Variants in KAZN observed in about 807,000 individuals in gnomAD.
KAZN encodes the protein kazrin, periplakin interacting protein.
KAZN carries 40 observed loss-of-function variants against 87.4 expected under a neutral mutation model. The observed-to-expected ratio is 0.46, with a 90% CI of 0.36 to 0.60. The LOEUF (loss-of-function observed/expected upper bound fraction) is 0.60. Among genes scored for constraint, KAZN ranks in the 20% least tolerant of loss-of-function variants. The pLI is 0.00. For missense variants in KAZN, 898 were observed against 1,073.9 expected (o/e 0.84, Z 2.29); for synonymous variants, 466 against 458.3 (o/e 1.02, Z -0.22).
At chr1:14,507,305 T>A (rs1189481109) in intron 2 of KAZN, among the ~76,000 whole-genome samples, 1 of 152,150 alleles carries the variant, frequency 6.6e-6, no homozygotes, top group Non-Finnish European at 1.5e-5. Context: ...TAAACAAAAT[T>A]CTCATTTCAG....
At position 14,394,117 on chromosome 1, in the gene KAZN, A is replaced by AC. The variant is rs34489441; in HGVS notation, c.250-204859dup. ...GAAAAGAACCTTTTTTATGGTGAGG[A>AC]CCCCCCCACACACATGCCAGCAGTA... On this transcript the variant is annotated intron_variant, in intron 2 of 16. Transcript: ENST00000636203. Among the ~76,000 whole-genome samples the AC allele has an allele frequency of 7.1e-3, 1,084 of 151,996 alleles. 16 individuals carry two copies. Among genetic ancestry groups the AC allele is most frequent in the African/African-American group, 0.025 (1,025 of 41,444 alleles).
intron 1 of KAZN, among the ~76,000 whole-genome samples, chr1:14,803,473 G>A (rs1312954970): frequency 6.6e-6 from 1 of 152,218 alleles, no homozygotes; most frequent in South Asian, 2.1e-4. Context: ...TCCTCCTTCT[G>A]ACCCTGATGG....
intron 2 of KAZN, among the ~76,000 whole-genome samples, chr1:14,315,787 T>C (rs891093800): frequency 2.6e-5 from 4 of 152,112 alleles, no homozygotes; most frequent in African/African-American, 9.7e-5. Flanking sequence ...CATAATTTGT[T>C]TACTGTTCAC....
chr1:15,040,288 G>C (rs929368318), intron 3 of KAZN, among the ~76,000 whole-genome samples: 34 of 152,232 alleles, frequency 2.2e-4, no homozygotes, highest in South Asian at 1.4e-3. Context: ...GGAACCCTCA[G>C]GTTCCCTCGC....
intron 3 of KAZN, among the ~76,000 whole-genome samples, chr1:15,043,079 C>G (rs1027172704): frequency 6.6e-6 from 1 of 152,206 alleles, no homozygotes; most frequent in Non-Finnish European, 1.5e-5. Flanking sequence ...CAGAAAACAG[C>G]TCATGCAGGA....
chr1:14,004,754 A>C (rs991478422), intron 1 of KAZN, among the ~76,000 whole-genome samples: 80 of 23,926 alleles, frequency 3.3e-3, no homozygotes, highest in South Asian at 6.6e-3. Context: ...GTTGGAGCTT[A>C]CTTAATCTCC....
intron 2 of KAZN, among the ~76,000 whole-genome samples, chr1:14,233,810 C>A (rs1395403275): frequency 6.6e-6 from 1 of 152,164 alleles, no homozygotes; most frequent in Non-Finnish European, 1.5e-5. Context: ...AGACATAGTA[C>A]CTGACCTTAA....
intron 1 of KAZN, among the ~76,000 whole-genome samples, chr1:14,046,446 A>G (rs987372955): frequency 6.6e-6 from 1 of 152,234 alleles, no homozygotes; most frequent in Non-Finnish European, 1.5e-5. Flanking sequence ...AAATAAAAAC[A>G]TAAGAAGAAA....
chr1:14,100,106 C>T (rs1019417609), intron 1 of KAZN, among the ~76,000 whole-genome samples: 1 of 152,206 alleles, frequency 6.6e-6, no homozygotes, highest in African/African-American at 2.4e-5. Flanking sequence ...CCCCTGCCCT[C>T]CCACCAGTTG....
chr1:14,920,968 G>A (rs2690031), intron 1 of KAZN, among the ~76,000 whole-genome samples: 28,171 of 152,038 alleles, frequency 0.19, 2,747 homozygotes, highest in Middle Eastern at 0.24. Flanking sequence ...CCCCACCCAA[G>A]ACAGATGGGT....
In KAZN at chr1:15,004,911, G is replaced by A. The variant is rs117488707; in HGVS notation, c.419-29838G>A. Among the ~76,000 whole-genome samples the A allele has an allele frequency of 8.3e-4, 126 of 152,312 alleles. 1 individual carries two copies. The East Asian group carries it at 0.02, about 24-fold the overall frequency. ...GAATCTTGGCACTTCAAGCACACTC[G>A]TTGCTGGGCATGAACCAGGCACCTG... On this transcript the variant is annotated intron_variant, in intron 2 of 14. Coordinates refer to ENST00000376030, the MANE Select transcript of KAZN (RefSeq NM_201628.3).
At chr1:14,367,101 C>T (rs546097526) in intron 2 of KAZN, among the ~76,000 whole-genome samples, 57 of 152,134 alleles carry the variant, frequency 3.7e-4, no homozygotes, top group African/African-American at 1.3e-3. Flanking sequence ...TGGTGGCACG[C>T]GCCTGTAATC....
At chr1:15,029,335 G>A (rs1001668048) in intron 2 of KAZN, among the ~76,000 whole-genome samples, 1 of 152,214 alleles carries the variant, frequency 6.6e-6, no homozygotes, top group African/African-American at 2.4e-5. Flanking sequence ...CGTACAGTAG[G>A]TGCTTAATTG....
At chr1:14,470,698 T>C (rs1274452006) in intron 2 of KAZN, among the ~76,000 whole-genome samples, 1 of 152,200 alleles carries the variant, frequency 6.6e-6, no homozygotes, top group African/African-American at 2.4e-5. Context: ...GAGGTGGATA[T>C]GAAGAGTGTG....
chr1:14,429,210 C>T, intron 2 of KAZN, among the ~76,000 whole-genome samples: 1 of 152,136 alleles, frequency 6.6e-6, no homozygotes, highest in East Asian at 1.9e-4. Flanking sequence ...CTAAGAATAG[C>T]AGGGTGAAAT....
intron 1 of KAZN, among the ~76,000 whole-genome samples, chr1:14,828,275 A>G (rs1156948687): frequency 6.6e-6 from 1 of 152,254 alleles, no homozygotes; most frequent in Non-Finnish European, 1.5e-5. Context: ...CGGCTAAAAC[A>G]TGTATCACTG....
intron 2 of KAZN, among the ~76,000 whole-genome samples, chr1:14,593,336 T>C (rs541279997): frequency 2.0e-5 from 3 of 152,320 alleles, no homozygotes; most frequent in South Asian, 4.1e-4. Flanking sequence ...GAAGCATCTA[T>C]CACACCAGAC....
intron 2 of KAZN, among the ~76,000 whole-genome samples, chr1:14,444,079 A>G (rs1220830904): frequency 1.3e-5 from 2 of 152,182 alleles, no homozygotes; most frequent in East Asian, 3.9e-4. Context: ...TACCTGGATT[A>G]TAATAGTAGA....
intron 1 of KAZN, among the ~76,000 whole-genome samples, chr1:14,736,629 C>A (rs1643917916): frequency 6.6e-6 from 1 of 151,966 alleles, no homozygotes; most frequent in Admixed American, 6.6e-5. Flanking sequence ...ACATTTTTAA[C>A]AGGGTCCCCA....
Sources: gnomAD v4.1 joint callset for allele counts (sites outside exome capture counted in the v4.1 genomes callset) on GRCh38, gnomAD v4.1.1 for gene constraint, MANE v1.5 for transcripts, NCBI Gene and HGNC (gene_info 2026-07-23, HGNC 2026-07-21) for gene names.